The following RNF111 variants were observed in gnomAD, a reference collection of about 807,000 sequenced individuals.
RNF111 encodes E3 ubiquitin-protein ligase Arkadia.
Under a neutral mutation model 95.1 loss-of-function variants are expected in RNF111, and 17 were observed. The observed-to-expected ratio is 0.18, with a 90% CI of 0.12 to 0.27. The LOEUF is 0.27. Among genes scored for constraint, RNF111 ranks in the 10% least tolerant of loss-of-function variants. The probability of loss-of-function intolerance (pLI) is 1.00; values close to 1 mark genes in which losing one functional copy is unlikely to be tolerated. For missense variants in RNF111, 1,189 were observed against 1,210.4 expected, an observed-to-expected ratio of 0.98 and a Z score of 0.26; for synonymous variants, 440 against 414.8, an observed-to-expected ratio of 1.06 and a Z score of -0.74.
chr15:59,074,790 TA>T (rs1437739765), intron 6 of RNF111, among the ~76,000 whole-genome samples: 1 of 140,424 alleles, frequency 7.1e-6, no homozygotes, highest in African/African-American at 2.6e-5. Flanking sequence ...GCAAGAGGCC[TA>T]GCTTTTGGCC....
intron 6 of RNF111, among the ~76,000 whole-genome samples, chr15:59,074,586 TTAGG>T (rs1211739226): frequency 2.0e-5 from 3 of 152,218 alleles, no homozygotes; most frequent in Admixed American, 2.0e-4. Context: ...AATTGAAGAG[TTAGG>T]GCCTTGCTCT....
chr15:59,058,151 T>G (rs1464481933), intron 4 of RNF111, among the ~76,000 whole-genome samples: 1 of 152,264 alleles, frequency 6.6e-6, no homozygotes, highest in Non-Finnish European at 1.5e-5. Flanking sequence ...GTTGGATTTT[T>G]TTAAAATGCA....
intron 3 of RNF111, 83 bp downstream of exon 3, chr15:59,052,514 TTTTA>T (rs755182498): frequency 4.6e-4 from 491 of 1,065,724 alleles, no homozygotes; most frequent in Non-Finnish European, 5.9e-4. Flanking sequence ...TTTGCATTCT[TTTTA>T]TTTATTTATT....
intron 6 of RNF111, among the ~76,000 whole-genome samples, chr15:59,072,773 A>G (rs2042994400): frequency 6.6e-6 from 1 of 150,998 alleles, no homozygotes; most frequent in African/African-American, 2.4e-5. Flanking sequence ...TCTTTTTCCT[A>G]GTATCTTTAC....
intron 2 of RNF111, among the ~76,000 whole-genome samples, chr15:59,033,071 G>A (rs538983211): frequency 1.3e-5 from 2 of 152,310 alleles, no homozygotes; most frequent in East Asian, 1.9e-4. Context: ...CTGAACTGAG[G>A]GAAAAGATTA....
At chr15:58,999,460 C>G (rs527621325) in intron 1 of RNF111, among the ~76,000 whole-genome samples, 1 of 152,002 alleles carries the variant, frequency 6.6e-6, no homozygotes, top group Non-Finnish European at 1.5e-5. Context: ...CTCAGCCTCC[C>G]GAGTAGCTGG....
chr15:59,052,793 TTTC>T lies in RNF111; in HGVS notation c.1007+363_1007+365del, dbSNP rs538315819. Reference sequence around the variant, plus strand: ...TAAAGCTATATTGTTGCCCAGACTCTTTCCCATACTTGAACTAGAATTTTAGAG... The same window carrying T: ...TAAAGCTATATTGTTGCCCAGACTCTCCATACTTGAACTAGAATTTTAGAG... On this transcript the variant is annotated intron_variant, in intron 3 of 13. Transcript: ENST00000348370. Among the ~76,000 whole-genome samples the T allele has an allele frequency of 2.3e-3, 353 of 152,254 alleles. 1 individual carries two copies. Among genetic ancestry groups the T allele is most frequent in the African/African-American group, 8.0e-3 (333 of 41,544 alleles).
chr15:59,058,075 C>T (rs770491922), intron 4 of RNF111, among the ~76,000 whole-genome samples: 5 of 152,110 alleles, frequency 3.3e-5, no homozygotes, highest in Non-Finnish European at 5.9e-5. Context: ...ATAGATCAGA[C>T]AACTTATTTA....
intron 7 of RNF111, among the ~76,000 whole-genome samples, chr15:59,078,799 C>T (rs1316549675): frequency 1.5e-4 from 23 of 150,218 alleles, no homozygotes; most frequent in African/African-American, 5.7e-4. Flanking sequence ...ATGGAGATTG[C>T]AGTGAGCTGA....
At chr15:59,072,520 C>G (rs192328103) in intron 6 of RNF111, among the ~76,000 whole-genome samples, 7 of 133,522 alleles carry the variant, frequency 5.2e-5, no homozygotes, top group African/African-American at 2.0e-4. Flanking sequence ...GTGGCGTGAT[C>G]TCGGCTCACT....
intron 5 of RNF111, chr15:59,058,762 C>A: frequency 2.1e-6 from 1 of 482,774 alleles, no homozygotes; most frequent in Non-Finnish European, 3.7e-6. Context: ...TATTATAGCT[C>A]AAATAAGAGA....
At chr15:59,049,316 T>C (rs2041858977) in intron 2 of RNF111, 1 of 152,084 alleles carries the variant, frequency 6.6e-6, no homozygotes. Context: ...CTTAGCGTAA[T>C]GCCCTCAAGT....
chr15:59,005,106 T>A (rs953009146), intron 1 of RNF111, among the ~76,000 whole-genome samples: 21 of 152,258 alleles, frequency 1.4e-4, no homozygotes, highest in Admixed American at 1.2e-3. Context: ...ATTCCAACTT[T>A]CAGTATGCCT....
At chr15:58,995,725 A>G (rs2039038987) in intron 1 of RNF111, among the ~76,000 whole-genome samples, 1 of 149,976 alleles carries the variant, frequency 6.7e-6, no homozygotes, top group Non-Finnish European at 1.5e-5. Flanking sequence ...CAGCCTCCCA[A>G]AGTGCTGGGA....
At chr15:59,055,131 G>A (rs1395721788) in intron 3 of RNF111, among the ~76,000 whole-genome samples, 2 of 152,172 alleles carry the variant, frequency 1.3e-5, no homozygotes, top group African/African-American at 4.8e-5. Context: ...ATTTCTTAGG[G>A]CTACCAAACT....
chr15:58,991,618 T>A (rs1322283953), intron 1 of RNF111, among the ~76,000 whole-genome samples: 1 of 152,176 alleles, frequency 6.6e-6, no homozygotes, highest in Non-Finnish European at 1.5e-5. Context: ...GTGACTTCAA[T>A]GACTAGAAAA....
chr15:59,033,029 G>A (rs2040993616), intron 2 of RNF111, among the ~76,000 whole-genome samples: 1 of 152,192 alleles, frequency 6.6e-6, no homozygotes, highest in South Asian at 2.1e-4. Context: ...GTAATTTAAA[G>A]GGAGTTGTTG....
At chr15:59,035,501 T>G (rs991662586) in intron 2 of RNF111, among the ~76,000 whole-genome samples, 9 of 152,216 alleles carry the variant, frequency 5.9e-5, no homozygotes, top group African/African-American at 1.9e-4. Context: ...CCCGTTAATA[T>G]TTCATTCCAC....
At chr15:59,082,350 G>A (rs1247122891) in intron 8 of RNF111, among the ~76,000 whole-genome samples, 2 of 152,134 alleles carry the variant, frequency 1.3e-5, no homozygotes, top group Non-Finnish European at 2.9e-5. Context: ...GTAAAAATCA[G>A]TGTTAAAATT....
Sources: allele counts gnomAD v4.1 joint callset (sites outside exome capture counted in the v4.1 genomes callset), GRCh38; gene constraint gnomAD v4.1.1; transcripts MANE v1.5; gene names NCBI Gene and HGNC (gene_info 2026-07-23, HGNC 2026-07-21).